The following SCYL2 variants were observed in gnomAD, a reference collection of about 807,000 sequenced individuals.
The protein encoded by SCYL2 is SCY1 like pseudokinase 2.
SCYL2 carries 36 observed loss-of-function variants against 100.4 expected under a neutral mutation model. The ratio of observed to expected loss-of-function variants is 0.36; its 90% CI spans 0.27 to 0.47. The LOEUF is 0.47. Ranked by LOEUF, SCYL2 falls within the 20% of genes least tolerant of loss-of-function variation. The pLI is 1.00. For missense variants in SCYL2, 902 were observed against 1,083.9 expected, an observed-to-expected ratio of 0.83 and a Z score of 2.36; for synonymous variants, 330 against 359.2, an observed-to-expected ratio of 0.92 and a Z score of 0.92.
At chr12:100,269,362 C>T (rs932736735) in intron 1 of SCYL2, among the ~76,000 whole-genome samples, 2 of 152,012 alleles carry the variant, frequency 1.3e-5, no homozygotes, top group African/African-American at 2.4e-5. Flanking sequence ...CATCATTCAG[C>T]TCACTTCAGG....
At position 100,294,941 on chromosome 12, in the gene SCYL2, C is replaced by G. The variant is rs7968449; in HGVS notation, c.336-3090C>G. On this transcript the variant is annotated intron_variant, in intron 3 of 17. Transcript: ENST00000360820. ...GCGGAGGGGCTCCTCACTTCTCAGA[C>G]GGGGCGGTTGCCAGGCAGAGGGTCT... 1.9e-3 allele frequency among the ~76,000 whole-genome samples: 286 copies of G among 149,450 alleles called. 3 individuals carry two copies. In the East Asian group the frequency reaches 0.034, roughly 18 times the overall value.
At chr12:100,309,226 C>T (rs966330247) in intron 4 of SCYL2, among the ~76,000 whole-genome samples, 2 of 151,976 alleles carry the variant, frequency 1.3e-5, no homozygotes, top group African/African-American at 4.8e-5. Flanking sequence ...TCTTACTCTG[C>T]CCTCTTCCAT....
chr12:100,269,262 T>C (rs1043211622), intron 1 of SCYL2, among the ~76,000 whole-genome samples: 10 of 152,094 alleles, frequency 6.6e-5, no homozygotes, highest in Admixed American at 2.6e-4. Context: ...GTCTTTTCTG[T>C]TCTCCTGCTT....
intron 1 of SCYL2, among the ~76,000 whole-genome samples, chr12:100,269,297 A>G (rs185948787): frequency 1.3e-5 from 2 of 151,882 alleles, no homozygotes; most frequent in South Asian, 4.2e-4. Context: ...TGGTTATGCT[A>G]CTTCCTCTGC....
chr12:100,294,670 C>T (rs1175703820), intron 3 of SCYL2, among the ~76,000 whole-genome samples: 7 of 134,912 alleles, frequency 5.2e-5, no homozygotes, highest in East Asian at 2.3e-4. Flanking sequence ...CCTCACCTCC[C>T]GGACGGGGTG....
chr12:100,275,858 C>T (rs2096291956), intron 1 of SCYL2, among the ~76,000 whole-genome samples: 1 of 152,084 alleles, frequency 6.6e-6, no homozygotes, highest in Admixed American at 6.5e-5. Context: ...CCTTCCTGTT[C>T]TTAGTTTCCT....
In SCYL2 at chr12:100,313,619, A is replaced by G. The variant is rs370115407; in HGVS notation, c.969+81A>G. On this transcript the variant is annotated intron_variant, in intron 7 of 17. Coordinates refer to ENST00000360820, the MANE Select transcript of SCYL2 (RefSeq NM_017988.6). Reference sequence around the variant, plus strand: ...GATTAAGTTTTTGGGTTTTAAAAAAATATTTTTCCCCAGGGATCCCTGTTC... The same window carrying G: ...GATTAAGTTTTTGGGTTTTAAAAAAGTATTTTTCCCCAGGGATCCCTGTTC... 177 of 741,170 alleles carry G rather than the reference A, an allele frequency of 2.4e-4. No homozygotes were observed. In the African/African-American group the frequency reaches 2.6e-3, roughly 11 times the overall value. The allele number at this position is 741,170 out of a possible 1,614,324, so 45.9% of individuals were successfully genotyped here. A position where few individuals can be genotyped will look rare whatever the true frequency, so the allele number is the denominator to read the frequency against.
At chr12:100,336,642 T>C (rs1290255495) in intron 16 of SCYL2, among the ~76,000 whole-genome samples, 1 of 152,134 alleles carries the variant, frequency 6.6e-6, no homozygotes, top group Non-Finnish European at 1.5e-5. Context: ...AAAGAGGATT[T>C]TCAAAATAGA....
intron 4 of SCYL2, among the ~76,000 whole-genome samples, chr12:100,304,777 C>G (rs2096332119): frequency 6.6e-6 from 1 of 151,512 alleles, no homozygotes; most frequent in African/African-American, 2.4e-5. Flanking sequence ...CAAAGACACA[C>G]ATAGGCTCAA....
chr12:100,336,082 T>C (rs1186080762), intron 16 of SCYL2, among the ~76,000 whole-genome samples, 176 bp downstream of exon 16: 7 of 152,156 alleles, frequency 4.6e-5, no homozygotes, highest in African/African-American at 1.7e-4. Context: ...AGAATAAACA[T>C]ACTTAAGATT....
chr12:100,284,612 A>G (rs549877817), intron 2 of SCYL2, among the ~76,000 whole-genome samples: 1 of 152,180 alleles, frequency 6.6e-6, no homozygotes, highest in African/African-American at 2.4e-5. Flanking sequence ...ACAGGCGTGC[A>G]CCACCATGCC....
chr12:100,328,912 A>G (rs1952172148), intron 12 of SCYL2, among the ~76,000 whole-genome samples: 1 of 152,330 alleles, frequency 6.6e-6, no homozygotes, highest in East Asian at 1.9e-4. Flanking sequence ...CTGCTGCACA[A>G]TAAGAATTGA....
At chr12:100,306,960 GA>G (rs773352113) in intron 4 of SCYL2, among the ~76,000 whole-genome samples, 17 of 152,250 alleles carry the variant, frequency 1.1e-4, no homozygotes, top group Non-Finnish European at 2.4e-4. Flanking sequence ...CCTCTTCAAG[GA>G]GAACTACAAA....
intron 14 of SCYL2, among the ~76,000 whole-genome samples, chr12:100,334,813 T>G (rs1952255502): frequency 6.6e-6 from 1 of 152,042 alleles, no homozygotes; most frequent in Non-Finnish European, 1.5e-5. Context: ...TGAATCTAGT[T>G]TATTAAAATC....
chr12:100,309,646 A>G (rs774761507), intron 4 of SCYL2, among the ~76,000 whole-genome samples: 29 of 152,238 alleles, frequency 1.9e-4, no homozygotes, highest in Non-Finnish European at 3.2e-4. Flanking sequence ...TTGCTTATAC[A>G]CATTATAAGC....
At chr12:100,277,625 A>T (rs533793965) in intron 1 of SCYL2, among the ~76,000 whole-genome samples, 1 of 152,188 alleles carries the variant, frequency 6.6e-6, no homozygotes, top group Non-Finnish European at 1.5e-5. Flanking sequence ...TAAGCAGCAT[A>T]TAGTTAGGTC....
At chr12:100,298,623 C>G (rs1460072155) in intron 4 of SCYL2, among the ~76,000 whole-genome samples, 1 of 152,168 alleles carries the variant, frequency 6.6e-6, no homozygotes, top group Non-Finnish European at 1.5e-5. Context: ...GATCTCAGCT[C>G]ACTGCAACCT....
intron 3 of SCYL2, among the ~76,000 whole-genome samples, chr12:100,295,480 G>C (rs9805058): frequency 2.1e-4 from 32 of 152,224 alleles, no homozygotes; most frequent in Middle Eastern, 3.4e-3. Flanking sequence ...CGGATCACTC[G>C]CGGTTAGGAG....
intron 7 of SCYL2, 106 bp from the exon 8 acceptor site, chr12:100,314,383 G>A: frequency 4.0e-6 from 3 of 745,448 alleles, no homozygotes; most frequent in Non-Finnish European, 6.4e-6. Flanking sequence ...TCAGCATTTT[G>A]CTAAATGTTT....
Sources: allele counts gnomAD v4.1 joint callset (sites outside exome capture counted in the v4.1 genomes callset), GRCh38; gene constraint gnomAD v4.1.1; transcripts MANE v1.5; gene names NCBI Gene and HGNC (gene_info 2026-07-23, HGNC 2026-07-21).